The following CES5A variants were observed in gnomAD, a reference collection of about 807,000 sequenced individuals.
CES5A encodes carboxylesterase 5.
A neutral mutation model predicts 62.9 loss-of-function variants in CES5A; 67 were observed. The observed-to-expected ratio is 1.07, with a 90% confidence interval of 0.88 to 1.31. CES5A has a LOEUF of 1.31. Among genes scored for constraint, CES5A ranks in the 50% most tolerant of loss-of-function variants. The pLI is 0.00. For missense variants in CES5A, 748 were observed against 708.5 expected, an observed-to-expected ratio of 1.06 and a Z score of -0.63; for synonymous variants, 296 against 280.8, an observed-to-expected ratio of 1.05 and a Z score of -0.54.
intron 2 of CES5A, chr16:55,943,897 A>G: frequency 1.6e-6 from 1 of 610,004 alleles, no homozygotes; most frequent in Non-Finnish European, 2.9e-6. Context: ...ATAAGCTTTA[A>G]CTGAGTATCC....
chr16:55,917,080 G>T (rs560608495), intron 1 of CES5A, among the ~76,000 whole-genome samples: 1 of 152,188 alleles, frequency 6.6e-6, no homozygotes, highest in East Asian at 1.9e-4. Flanking sequence ...TTGAAGGCAG[G>T]CAACCCCCAA....
chr16:55,871,605 C>A lies in CES5A; in HGVS notation c.417+20G>T, dbSNP rs544955880. ...AGGTCCTGCTAGCTAGAGCCCGAAG[C>A]ACACAGCAGGCAGCCTTACGGGGAG... On this transcript the variant is annotated intron_variant, in intron 3 of 12. Transcript: ENST00000290567. The A allele has an allele frequency of 3.1e-6, 5 of 1,613,388 alleles. No homozygotes were observed. The highest frequency in any genetic ancestry group is 4.5e-5 in the East Asian group (2 of 44,850).
At chr16:55,847,718 G>A (rs1191105927) in intron 11 of CES5A, among the ~76,000 whole-genome samples, 7 of 152,018 alleles carry the variant, frequency 4.6e-5, no homozygotes, top group Admixed American at 3.9e-4. Flanking sequence ...GTTGTTCTAT[G>A]AGCATGTAAT....
At chr16:55,849,491 C>A in intron 11 of CES5A, 133 bp downstream of exon 11, 1 of 953,852 alleles carries the variant, frequency 1.0e-6, no homozygotes, top group Non-Finnish European at 1.6e-6. Context: ...GGGCATTTTC[C>A]AGAGAAAGGT....
At chr16:55,869,789 C>A in intron 3 of CES5A, 45 bp from the exon 4 acceptor site, 1 of 1,557,952 alleles carries the variant, frequency 6.4e-7, no homozygotes, top group Non-Finnish European at 8.7e-7. Context: ...CAGGCACCAC[C>A]TCCCCTCCCC....
At chr16:55,851,200 C>G (rs2033125343) in intron 10 of CES5A, among the ~76,000 whole-genome samples, 1 of 152,058 alleles carries the variant, frequency 6.6e-6, no homozygotes, top group East Asian at 1.9e-4. Context: ...AGTAAGAAGG[C>G]AACCCGGCAA....
At chr16:55,955,295 AT>A (rs1567369524) in intron 1 of CES5A, among the ~76,000 whole-genome samples, 3 of 152,120 alleles carry the variant, frequency 2.0e-5, no homozygotes, top group African/African-American at 4.8e-5. Context: ...TCAAAAAAAA[AT>A]TTTTTTAATA....
At chr16:55,912,807 C>T (rs8047745) in intron 1 of CES5A, among the ~76,000 whole-genome samples, 63,677 of 152,016 alleles carry the variant, frequency 0.42, 14,187 homozygotes, top group Non-Finnish European at 0.5. Flanking sequence ...CCCATTTCAC[C>T]GTTGAGAAAA....
intron 2 of CES5A, among the ~76,000 whole-genome samples, chr16:55,873,627 A>G (rs1210496722): frequency 3.3e-5 from 5 of 152,198 alleles, no homozygotes; most frequent in African/African-American, 1.2e-4. Flanking sequence ...GAGAATCTGT[A>G]TATTTTTAAA....
intron 1 of CES5A, among the ~76,000 whole-genome samples, chr16:55,902,829 C>A (rs2034004947): frequency 6.6e-6 from 1 of 152,142 alleles, no homozygotes; most frequent in Admixed American, 6.5e-5. Flanking sequence ...TTCCTTACAA[C>A]ACATGTGCCT....
intron 2 of CES5A, among the ~76,000 whole-genome samples, chr16:55,936,027 A>G (rs1360788485): frequency 2.6e-5 from 4 of 152,138 alleles, no homozygotes; most frequent in Middle Eastern, 3.2e-3. Context: ...ACAGTCCCCA[A>G]AGTAGGGAGC....
Position 55,892,703 on chromosome 16 carries a change from C to T in CES5A, c.-255-18666G>A, listed in dbSNP as rs143831539. On this transcript the variant is annotated intron_variant, in intron 1 of 12. Transcript: ENST00000518005. Reference sequence around the variant, plus strand: ...ACATAGAAGCTTTTAAAAGCTCACACTCTAACAACAACAACAACAACAAAA... The same window carrying T: ...ACATAGAAGCTTTTAAAAGCTCACATTCTAACAACAACAACAACAACAAAA... Among the ~76,000 whole-genome samples, 312 of 147,634 alleles carry T rather than the reference C, an allele frequency of 2.1e-3. 2 individuals carry two copies. The highest frequency in any genetic ancestry group is 7.3e-3 in the African/African-American group (296 of 40,610).
At chr16:55,945,418 G>T (rs951729614) in intron 2 of CES5A, among the ~76,000 whole-genome samples, 3 of 152,250 alleles carry the variant, frequency 2.0e-5, no homozygotes, top group Non-Finnish European at 4.4e-5. Context: ...TACAGAAAGT[G>T]AGCAGCTAAA....
upstream of CES5A, among the ~76,000 whole-genome samples, chr16:55,928,384 A>G (rs114233259): frequency 0.02 from 3,043 of 152,314 alleles, 117 homozygotes; most frequent in African/African-American, 0.068. Flanking sequence ...GCAAAGGCAT[A>G]CAAAGTGGTA....
At chr16:55,895,677 C>T (rs541727061) in intron 1 of CES5A, among the ~76,000 whole-genome samples, 14 of 152,190 alleles carry the variant, frequency 9.2e-5, no homozygotes, top group Admixed American at 2.0e-4. Flanking sequence ...TAAAAATTTG[C>T]GCTAGAACAA....
At chr16:55,930,736 A>T (rs2034302090) in intron 2 of CES5A, among the ~76,000 whole-genome samples, 2 of 152,134 alleles carry the variant, frequency 1.3e-5, no homozygotes, top group Admixed American at 6.5e-5. Flanking sequence ...GTGATTTTTT[A>T]AAAATCAGTT....
intron 11 of CES5A, 87 bp from the exon 12 acceptor site, chr16:55,846,927 C>G: frequency 1.9e-6 from 2 of 1,032,276 alleles, no homozygotes; most frequent in South Asian, 2.7e-5. Flanking sequence ...CCTTTTCACA[C>G]CCCTCCTCCC....
At chr16:55,936,011 T>C (rs1357566135) in intron 2 of CES5A, among the ~76,000 whole-genome samples, 3 of 152,018 alleles carry the variant, frequency 2.0e-5, no homozygotes, top group Non-Finnish European at 4.4e-5. Context: ...TGTAGATGGG[T>C]CTTTAACAGT....
chr16:55,893,919 T>A lies in CES5A; in HGVS notation c.-255-19882A>T, dbSNP rs184531157. ...ACCAATTTAAATACAAATTTAAAAA[T>A]CACTCCTTAGTATATTATAATAAAA... On this transcript the variant is annotated intron_variant, in intron 1 of 12. Transcript: ENST00000518005. Among the ~76,000 whole-genome samples, 9 of 152,188 alleles carry A rather than the reference T, an allele frequency of 5.9e-5. No individual in the cohort carries two copies. In the East Asian group the frequency reaches 1.7e-3, roughly 29 times the overall value.
Sources: allele counts gnomAD v4.1 joint callset (sites outside exome capture counted in the v4.1 genomes callset), GRCh38; gene constraint gnomAD v4.1.1; transcripts MANE v1.5; gene names NCBI Gene and HGNC (gene_info 2026-07-23, HGNC 2026-07-21).